Variants in AGBL4 observed in about 807,000 individuals in gnomAD.
AGBL4 encodes the protein cytosolic carboxypeptidase 6.
A neutral mutation model predicts 66.4 loss-of-function variants in AGBL4; 58 were observed. That is an observed-to-expected ratio of 0.87 (90% CI 0.71 to 1.09). AGBL4 has a LOEUF of 1.09. AGBL4 is among the 50% of genes least tolerant of loss of function. AGBL4 has a pLI of 0.00. For missense variants in AGBL4, 579 were observed against 631.0 expected (o/e 0.92, Z 0.88); for synonymous variants, 234 against 222.9 (o/e 1.05, Z -0.44).
chr1:49,910,964 A>G (rs748772846), intron 1 of AGBL4, among the ~76,000 whole-genome samples: 53 of 152,268 alleles, frequency 3.5e-4, no homozygotes, highest in Admixed American at 5.9e-4. Context: ...CAACAGAGCG[A>G]GACTCCATCT....
chr1:48,612,458 G>A (rs889708908), intron 9 of AGBL4, among the ~76,000 whole-genome samples: 1 of 152,192 alleles, frequency 6.6e-6, no homozygotes, highest in East Asian at 1.9e-4. Context: ...TACATGAATG[G>A]TTCAGAATCC....
At chr1:48,889,324 G>A (rs572014464) in intron 5 of AGBL4, among the ~76,000 whole-genome samples, 32 of 152,172 alleles carry the variant, frequency 2.1e-4, no homozygotes, top group Admixed American at 6.5e-4. Context: ...TTTAATATCC[G>A]CTTTTTTGTG....
chr1:49,829,682 C>T (rs1557488701), intron 2 of AGBL4, among the ~76,000 whole-genome samples: 1 of 152,042 alleles, frequency 6.6e-6, no homozygotes. Context: ...GTTTGTTACA[C>T]ATTTATACAT....
At chr1:48,769,694 C>A (rs2148687605) in intron 6 of AGBL4, among the ~76,000 whole-genome samples, 2 of 152,318 alleles carry the variant, frequency 1.3e-5, no homozygotes, top group Admixed American at 1.3e-4. Flanking sequence ...TATTAGTCCA[C>A]TGTAGTTCCT....
At chr1:49,372,607 T>TTTTCTTTCTTTC (rs202108234) in intron 3 of AGBL4, among the ~76,000 whole-genome samples, 104 of 111,170 alleles carry the variant, frequency 9.4e-4, no homozygotes, top group East Asian at 2.7e-3. Flanking sequence ...TTCTTTTTCT[T>TTTTCTTTCTTTC]TTTCTTTCTT....
chr1:49,533,575 T>C (rs1256683681), intron 3 of AGBL4, among the ~76,000 whole-genome samples: 1 of 152,112 alleles, frequency 6.6e-6, no homozygotes, highest in Non-Finnish European at 1.5e-5. Context: ...AGATTCTGGA[T>C]TATTATGCCA....
At chr1:49,590,366 C>T (rs766064033) in intron 3 of AGBL4, among the ~76,000 whole-genome samples, 67 of 149,854 alleles carry the variant, frequency 4.5e-4, no homozygotes, top group Middle Eastern at 3.4e-3. Flanking sequence ...GGATGCAATA[C>T]CATCTATGAA....
chr1:49,553,842 C>T (rs1323024871), intron 3 of AGBL4, among the ~76,000 whole-genome samples: 1 of 152,080 alleles, frequency 6.6e-6, no homozygotes, highest in Non-Finnish European at 1.5e-5. Context: ...TTTAAATTTT[C>T]TTCTCACACA....
chr1:49,599,345 T>C (rs1056193940), intron 3 of AGBL4, among the ~76,000 whole-genome samples: 5 of 152,222 alleles, frequency 3.3e-5, no homozygotes, highest in African/African-American at 9.6e-5. Flanking sequence ...GGTGTATGTG[T>C]CCAGGAATTT....
intron 6 of AGBL4, among the ~76,000 whole-genome samples, chr1:48,735,083 G>T (rs537652122): frequency 2.3e-4 from 35 of 152,242 alleles, no homozygotes; most frequent in Admixed American, 2.0e-3. Context: ...CCAACAGTAG[G>T]GTTGCTATGA....
intron 5 of AGBL4, among the ~76,000 whole-genome samples, chr1:48,989,814 G>A (rs1040021509): frequency 6.6e-6 from 1 of 152,128 alleles, no homozygotes; most frequent in African/African-American, 2.4e-5. Context: ...CTTGGCTATT[G>A]TGAACAGTGG....
chr1:48,580,018 G>A (rs1472899173), intron 11 of AGBL4, among the ~76,000 whole-genome samples: 4 of 151,656 alleles, frequency 2.6e-5, no homozygotes, highest in Non-Finnish European at 4.4e-5. Flanking sequence ...GAGATCTCAA[G>A]ACTATAGACA....
chr1:48,865,245 G>A (rs1383021146), intron 6 of AGBL4, among the ~76,000 whole-genome samples: 1 of 152,100 alleles, frequency 6.6e-6, no homozygotes, highest in Non-Finnish European at 1.5e-5. Context: ...ACATGGAATA[G>A]AGTCATCCAG....
chr1:49,607,631 G>T (rs1016987282), intron 3 of AGBL4, among the ~76,000 whole-genome samples: 1 of 151,990 alleles, frequency 6.6e-6, no homozygotes, highest in Non-Finnish European at 1.5e-5. Flanking sequence ...ATTACAGTCT[G>T]CCTTTAATAC....
chr1:48,817,857 G>C, intron 6 of AGBL4: 1 of 600,816 alleles, frequency 1.7e-6, no homozygotes, highest in South Asian at 2.0e-5. Flanking sequence ...CCTTCCCAGT[G>C]TGTGTTTTTG....
chr1:49,822,411 C>T lies in AGBL4; in HGVS notation c.157+28985G>A, dbSNP rs138494561. On this transcript the variant is annotated intron_variant, in intron 2 of 13. Coordinates refer to ENST00000371839, the MANE Select transcript of AGBL4 (RefSeq NM_032785.4). ...TGGCGTGATCTAGGCTCACTGCAACCTCCACCTCCTGGGTTCACGCAATTC... is the reference window on the plus strand; with the variant it reads ...TGGCGTGATCTAGGCTCACTGCAACTTCCACCTCCTGGGTTCACGCAATTC... 1.4e-4 allele frequency among the ~76,000 whole-genome samples: 21 copies of T among 152,076 alleles called. No individual in the cohort carries two copies. In the East Asian group the frequency reaches 4.1e-3, roughly 30 times the overall value.
chr1:49,352,545 C>T (rs1353567635), intron 3 of AGBL4, among the ~76,000 whole-genome samples: 1 of 151,914 alleles, frequency 6.6e-6, no homozygotes, highest in African/African-American at 2.4e-5. Flanking sequence ...TTCTGGCCTT[C>T]CAGGGGGAAT....
At chr1:49,709,209 T>C (rs1161621976) in intron 2 of AGBL4, among the ~76,000 whole-genome samples, 1 of 152,226 alleles carries the variant, frequency 6.6e-6, no homozygotes, top group African/African-American at 2.4e-5. Context: ...GTTTTATCTA[T>C]AAGCCCCCGA....
chr1:49,505,340 T>C (rs1648580265), intron 3 of AGBL4, among the ~76,000 whole-genome samples: 1 of 152,056 alleles, frequency 6.6e-6, no homozygotes, highest in Admixed American at 6.5e-5. Context: ...TATTCTCATA[T>C]GTTTTTGTGT....
Sources: gnomAD v4.1 joint callset for allele counts (sites outside exome capture counted in the v4.1 genomes callset) on GRCh38, gnomAD v4.1.1 for gene constraint, MANE v1.5 for transcripts, NCBI Gene and HGNC (gene_info 2026-07-23, HGNC 2026-07-21) for gene names.